CAPN5: variants seen among roughly 807,000 people sequenced by gnomAD.
The protein encoded by CAPN5 is calpain 5, also known as calpain-5.
In CAPN5, 54 loss-of-function variants were observed where a neutral mutation model predicts 73.0. That is an observed-to-expected ratio of 0.74 (90% confidence interval 0.59 to 0.93). The LOEUF (loss-of-function observed/expected upper bound fraction) is 0.93. Among genes scored for constraint, CAPN5 ranks in the 40% least tolerant of loss-of-function variants. The probability of loss-of-function intolerance (pLI) is 0.00; values close to 1 mark genes in which losing one functional copy is unlikely to be tolerated. For synonymous variants in CAPN5, 335 were observed against 356.9 expected (o/e 0.94, Z 0.69); for missense variants, 785 against 882.9 (o/e 0.89, Z 1.41).
intron 3 of CAPN5, among the ~76,000 whole-genome samples, chr11:77,109,199 A>G (rs1950385490): frequency 6.6e-6 from 1 of 152,248 alleles, no homozygotes; most frequent in South Asian, 2.1e-4. Flanking sequence ...ATCAGTGACC[A>G]CTGCCTAAAT....
chr11:77,114,305 G>A lies in CAPN5; in HGVS notation c.570G>A (p.Thr190=), dbSNP rs781900040. ...CAGCAGACGCACTGGTGGACTTCAC[G>A]GGTGGTGTTTCTGAGCCCATCGACC... ...GNTADALVDF[T]GGVSEPIDLT... Residue 190 remains threonine (T), a synonymous_variant, in exon 5 of 13, where the codon ACG becomes ACA. Transcript: ENST00000648180. The A allele has an allele frequency of 1.2e-5, 19 of 1,614,066 alleles. No individual in the cohort carries two copies. Among genetic ancestry groups the A allele is most frequent in the Admixed American group, 1.7e-5 (1 of 59,998 alleles).
At chr11:77,112,905 G>C in intron 4 of CAPN5, 108 bp downstream of exon 4, 1 of 1,082,574 alleles carries the variant, frequency 9.2e-7, no homozygotes, top group Non-Finnish European at 1.4e-6. Context: ...GAGAAGTGAG[G>C]GGCTGGTGCA....
At chr11:77,123,604 C>T in intron 12 of CAPN5, 84 bp from the exon 13 acceptor site, 1 of 1,187,606 alleles carries the variant, frequency 8.4e-7, no homozygotes, top group African/African-American at 1.5e-5. Flanking sequence ...AAGGCCCTGC[C>T]ACCACCACCA....
chr11:77,100,412 C>T (rs181091039), intron 3 of CAPN5, among the ~76,000 whole-genome samples: 49 of 152,078 alleles, frequency 3.2e-4, no homozygotes, highest in African/African-American at 9.4e-4. Flanking sequence ...TGGCTCCCAC[C>T]GCTCGTCCCT....
Position 77,118,340 on chromosome 11 carries a change from C to T in CAPN5, c.1155C>T (p.Phe385=). 2.5e-6 allele frequency: 4 copies of T among 1,587,862 alleles called. No individual in the cohort carries two copies. Among genetic ancestry groups the T allele is most frequent in the Non-Finnish European group, 3.4e-6 (4 of 1,166,412 alleles). The part of the protein sequence containing the change: ...GGCINHKDTF[F]QNPQYIFEVK... ...GCATCAACCACAAGGACACCTTCTTCCAGAACCCACAGGTGGGCGTTCTCA... is the reference window on the plus strand; with the variant it reads ...GCATCAACCACAAGGACACCTTCTTTCAGAACCCACAGGTGGGCGTTCTCA... Residue 385 remains phenylalanine, a synonymous_variant, in exon 8 of 13, where the codon TTC becomes TTT. Transcript: ENST00000648180.
At chr11:77,069,241 G>C (rs574925697) in intron 1 of CAPN5, among the ~76,000 whole-genome samples, 3 of 152,254 alleles carry the variant, frequency 2.0e-5, no homozygotes, top group East Asian at 3.9e-4. Context: ...ACAGGGACTC[G>C]GGGGATGATG....
rs1323486305 is a variant in CAPN5 at position 77,126,067 on chromosome 11, C to T, written c.*2197C>T. 6.6e-6 allele frequency: 1 copy of T among 152,238 alleles called. No individual in the cohort carries two copies. The highest frequency in any genetic ancestry group is 1.5e-5 in the Non-Finnish European group (1 of 68,042). 9.4% of individuals were successfully genotyped at this position (152,238 alleles called of 1,614,324 possible). A position where few individuals can be genotyped will look rare whatever the true frequency, so the allele number is the denominator to read the frequency against. ...GGGCCTCCAGCCCACACCACCCAGA[C>T]CTAGGCTTCCCTCTTCTCAGGATCC... On this transcript the variant is annotated 3_prime_UTR_variant, in exon 13 of 13. Transcript: ENST00000648180.
chr11:77,103,808 C>T (rs1950315585), intron 3 of CAPN5, among the ~76,000 whole-genome samples: 1 of 152,224 alleles, frequency 6.6e-6, no homozygotes, highest in Admixed American at 6.5e-5. Flanking sequence ...CCTTGGTGCC[C>T]TTTGCCGGAG....
chr11:77,072,231 C>A (rs12284354), intron 1 of CAPN5, among the ~76,000 whole-genome samples: 16,756 of 152,252 alleles, frequency 0.11, 1,501 homozygotes, highest in African/African-American at 0.24. Flanking sequence ...AATCTTTCCT[C>A]CCCCAAACCT....
intron 3 of CAPN5, among the ~76,000 whole-genome samples, chr11:77,099,547 G>C (rs1360419921): frequency 1.3e-5 from 2 of 151,744 alleles, no homozygotes; most frequent in Admixed American, 1.3e-4. Context: ...GGCCAACACA[G>C]CGAAACCCCG....
At chr11:77,083,332 C>T (rs567393112) in intron 1 of CAPN5, among the ~76,000 whole-genome samples, 18 of 152,130 alleles carry the variant, frequency 1.2e-4, no homozygotes, top group South Asian at 8.3e-4. Context: ...TCTTTCCTTT[C>T]CTGTCTCTCC....
chr11:77,071,252 G>C (rs1477780089), intron 1 of CAPN5, among the ~76,000 whole-genome samples: 2 of 152,224 alleles, frequency 1.3e-5, no homozygotes, highest in Non-Finnish European at 2.9e-5. Flanking sequence ...GGGCGCTGCT[G>C]TAGCCCTGGC....
At chr11:77,106,297 C>G (rs1286822267) in intron 3 of CAPN5, among the ~76,000 whole-genome samples, 4 of 149,998 alleles carry the variant, frequency 2.7e-5, no homozygotes, top group Non-Finnish European at 5.9e-5. Flanking sequence ...GGGTCTCTGC[C>G]TCCCTGACAC....
chr11:77,088,251 G>T (rs1049585455), intron 2 of CAPN5, among the ~76,000 whole-genome samples: 2 of 152,128 alleles, frequency 1.3e-5, no homozygotes, highest in East Asian at 1.9e-4. Flanking sequence ...AGTCTCGGGG[G>T]CCCCAGCCTC....
intron 12 of CAPN5, 67 bp downstream of exon 12, chr11:77,122,779 A>G: frequency 6.3e-7 from 1 of 1,598,210 alleles, no homozygotes; most frequent in Non-Finnish European, 8.5e-7. Flanking sequence ...TCAGGGGGAC[A>G]AGCCCAGGTG....
chr11:77,118,189 C>A lies in CAPN5; in HGVS notation c.1004C>A (p.Thr335Lys), dbSNP rs370006806. 2.3e-5 allele frequency: 37 copies of A among 1,613,682 alleles called. No individual in the cohort carries two copies. The South Asian group carries it at 3.7e-4, about 16-fold the overall frequency. The change falls in exon 8 of 13, where the codon ACG becomes AAG. Residue 335 changes from threonine to lysine, a missense_variant. Physicochemically the swap from Thr to Lys is moderately conservative, Grantham distance 78. Coordinates refer to ENST00000648180, the MANE Select transcript of CAPN5 (RefSeq NM_004055.5). ...TTCGAGGACGTGTGCCGGTACTTCA[C>A]GGACATCATCAAGTGCCGCGTGATC... ...MTFEDVCRYF[T>K]DIIKCRVINT...
intron 3 of CAPN5, 132 bp downstream of exon 3, chr11:77,093,945 GC>G: frequency 2.3e-6 from 3 of 1,326,780 alleles, no homozygotes; most frequent in Non-Finnish European, 3.1e-6. Context: ...TGGGGTGGGG[GC>G]CCCCAGTACT....
At chr11:77,120,520 C>T (rs1320347309) in intron 9 of CAPN5, 193 bp from the exon 10 acceptor site, 2 of 499,066 alleles carry the variant, frequency 4.0e-6, no homozygotes, top group Non-Finnish European at 7.0e-6. Context: ...CACCACCACC[C>T]ATTCCCATTG....
intron 3 of CAPN5, among the ~76,000 whole-genome samples, chr11:77,107,135 G>A (rs1045709366): frequency 2.0e-5 from 3 of 152,194 alleles, no homozygotes; most frequent in African/African-American, 7.2e-5. Flanking sequence ...CAAGAAGGCA[G>A]GGGGTGCCCA....
Sources: gnomAD v4.1 joint callset for allele counts (sites outside exome capture counted in the v4.1 genomes callset) on GRCh38, gnomAD v4.1.1 for gene constraint, MANE v1.5 for transcripts, NCBI Gene and HGNC (gene_info 2026-07-23, HGNC 2026-07-21) for gene names.